Variants in TENM3 observed in about 807,000 individuals in gnomAD.
TENM3 encodes teneurin transmembrane protein 3, also known as teneurin-3.
TENM3 carries 63 observed loss-of-function variants against 255.1 expected under a neutral mutation model. The observed-to-expected ratio is 0.25, with a 90% CI of 0.20 to 0.30. The LOEUF (loss-of-function observed/expected upper bound fraction) is 0.30. TENM3 is among the 10% of genes least tolerant of loss of function. TENM3 has a pLI of 1.00. For synonymous variants in TENM3, 1,306 were observed against 1,322.3 expected (o/e 0.99, Z 0.27); for missense variants, 2,929 against 3,461.1 (o/e 0.85, Z 3.86).
At chr4:181,608,364 G>A in the TENM3 span, among the ~76,000 whole-genome samples, 1 of 152,202 alleles carries the variant, frequency 6.6e-6, no homozygotes, top group African/African-American at 2.4e-5. Flanking sequence ...GGTTCCAGGA[G>A]ACCAGATGGT....
At chr4:181,880,398 AT>A in the TENM3 span, among the ~76,000 whole-genome samples, 1 of 152,236 alleles carries the variant, frequency 6.6e-6, no homozygotes, top group South Asian at 2.1e-4. Context: ...GCAAATGTTA[AT>A]TAACAAATAA....
At chr4:181,945,892 C>T in the TENM3 span, among the ~76,000 whole-genome samples, 1 of 152,032 alleles carries the variant, frequency 6.6e-6, no homozygotes, top group African/African-American at 2.4e-5. Context: ...CACATACACA[C>T]ACACCCACAC....
chr4:182,070,035 G>A, the TENM3 span, among the ~76,000 whole-genome samples: 1 of 152,280 alleles, frequency 6.6e-6, no homozygotes, highest in South Asian at 2.1e-4. Flanking sequence ...AGTTAAGAAT[G>A]TTTCTAGGCA....
the TENM3 span, among the ~76,000 whole-genome samples, chr4:181,853,900 G>A: frequency 6.6e-6 from 1 of 152,184 alleles, no homozygotes; most frequent in Non-Finnish European, 1.5e-5. Flanking sequence ...GTAAGCGTAA[G>A]ATCTCTGCCT....
intron 3 of TENM3, among the ~76,000 whole-genome samples, chr4:182,515,584 A>G (rs774112586): frequency 6.6e-6 from 1 of 152,204 alleles, no homozygotes; most frequent in Non-Finnish European, 1.5e-5. Context: ...TATGTATTTT[A>G]TTAATTACTG....
chr4:182,159,515 G>A lies in TENM3; in HGVS notation c.-76+14761G>A, dbSNP rs939454386. 5.3e-5 allele frequency among the ~76,000 whole-genome samples: 8 copies of A among 151,848 alleles called. 1 individual carries two copies. Among genetic ancestry groups the A allele is most frequent in the Admixed American group, 3.9e-4 (6 of 15,240 alleles). On this transcript the variant is annotated intron_variant, in intron 1 of 2. Coordinates refer to the TENM3 transcript ENST00000512480. ...GGATGGTGCCACATGCTTTCCAGCC[G>A]TCAGAATGCTGGGAACAGGAGCTCT...
intron 3 of TENM3, among the ~76,000 whole-genome samples, chr4:182,495,792 T>A (rs1006584341): frequency 6.6e-6 from 1 of 152,234 alleles, no homozygotes; most frequent in Non-Finnish European, 1.5e-5. Context: ...TACAAAGGTA[T>A]CTTATGCTTA....
upstream of TENM3, among the ~76,000 whole-genome samples, chr4:182,239,354 C>T (rs923091882): frequency 2.6e-5 from 4 of 152,154 alleles, no homozygotes; most frequent in East Asian, 7.7e-4. Context: ...ACTGGGATTA[C>T]AGGCATGAGC....
intron 13 of TENM3, among the ~76,000 whole-genome samples, chr4:182,719,196 A>G (rs753843678): frequency 6.6e-6 from 1 of 151,166 alleles, no homozygotes; most frequent in Non-Finnish European, 1.5e-5. Context: ...ATACCAAAGC[A>G]TAACTCCTGC....
At chr4:182,609,884 C>T (rs927371018) in intron 4 of TENM3, among the ~76,000 whole-genome samples, 1 of 152,102 alleles carries the variant, frequency 6.6e-6, no homozygotes, top group Non-Finnish European at 1.5e-5. Flanking sequence ...TTATTCTTTT[C>T]TTAGGCTATG....
chr4:181,930,008 G>A, the TENM3 span, among the ~76,000 whole-genome samples: 1 of 152,100 alleles, frequency 6.6e-6, no homozygotes. Context: ...AGAATCTCTG[G>A]AACAGAGCTA....
At chr4:182,570,168 A>G (rs1288749268) in intron 3 of TENM3, among the ~76,000 whole-genome samples, 1 of 152,186 alleles carries the variant, frequency 6.6e-6, no homozygotes, top group Non-Finnish European at 1.5e-5. Flanking sequence ...GAGGAACAGT[A>G]AAATTCAAGA....
the TENM3 span, among the ~76,000 whole-genome samples, chr4:181,893,359 A>G: frequency 6.6e-6 from 1 of 152,014 alleles, no homozygotes; most frequent in South Asian, 2.1e-4. Flanking sequence ...TTATAAACCT[A>G]TGGAATAGAC....
chr4:182,410,337 C>T (rs1769898162), intron 3 of TENM3, among the ~76,000 whole-genome samples: 1 of 152,210 alleles, frequency 6.6e-6, no homozygotes, highest in Non-Finnish European at 1.5e-5. Context: ...TTCAGGAAGA[C>T]TTTTTGCCTA....
chr4:181,656,949 G>T, the TENM3 span, among the ~76,000 whole-genome samples: 1 of 152,210 alleles, frequency 6.6e-6, no homozygotes, highest in East Asian at 1.9e-4. Flanking sequence ...TTTCATCTTG[G>T]CCTCTATTTT....
the TENM3 span, among the ~76,000 whole-genome samples, chr4:182,023,054 C>A: frequency 6.6e-6 from 1 of 152,106 alleles, no homozygotes; most frequent in South Asian, 2.1e-4. Context: ...AGAATATGTA[C>A]CTTTGTTTAA....
At chr4:181,979,183 G>T in the TENM3 span, among the ~76,000 whole-genome samples, 1 of 120,584 alleles carries the variant, frequency 8.3e-6, no homozygotes, top group South Asian at 2.8e-4. Flanking sequence ...ACCATGGTAT[G>T]GACTAGGGAA....
At chr4:182,241,846 A>G (rs17236871), upstream of TENM3, among the ~76,000 whole-genome samples, 62,216 of 151,610 alleles carry the variant, frequency 0.41, 15,261 homozygotes, top group African/African-American at 0.69. Flanking sequence ...TAAAATGCAC[A>G]AGGCTTGACC....
At chr4:182,249,682 G>A (rs965630995) in intron 1 of TENM3, among the ~76,000 whole-genome samples, 1 of 152,172 alleles carries the variant, frequency 6.6e-6, no homozygotes, top group Non-Finnish European at 1.5e-5. Context: ...CTGAGGATGG[G>A]TCTGATAGAG....
Sources: allele counts gnomAD v4.1 joint callset (sites outside exome capture counted in the v4.1 genomes callset), GRCh38; gene constraint gnomAD v4.1.1; transcripts MANE v1.5; gene names NCBI Gene and HGNC (gene_info 2026-07-23, HGNC 2026-07-21).